Variants in LRGUK observed in about 807,000 individuals in gnomAD.
The protein encoded by LRGUK is leucine-rich repeat and guanylate kinase domain-containing protein.
A neutral mutation model predicts 76.0 loss-of-function variants in LRGUK; 65 were observed. That is an observed-to-expected ratio of 0.85 (90% CI 0.70 to 1.05). The LOEUF (loss-of-function observed/expected upper bound fraction) is 1.05. LRGUK is among the 50% of genes least tolerant of loss of function. The probability of loss-of-function intolerance (pLI) is 0.00; values close to 1 mark genes in which losing one functional copy is unlikely to be tolerated. For missense variants in LRGUK, 758 were observed against 732.8 expected (o/e 1.03, Z -0.40); for synonymous variants, 268 against 265.6 (o/e 1.01, Z -0.09).
intron 1 of LRGUK, among the ~76,000 whole-genome samples, chr7:134,130,419 A>G (rs1300588445): frequency 6.6e-6 from 1 of 152,180 alleles, no homozygotes; most frequent in East Asian, 1.9e-4. Flanking sequence ...TTAACAAACC[A>G]TAGAAGGGGT....
At chr7:134,229,579 T>C (rs1323661825) in intron 16 of LRGUK, among the ~76,000 whole-genome samples, 2 of 152,204 alleles carry the variant, frequency 1.3e-5, no homozygotes, top group East Asian at 3.8e-4. Flanking sequence ...ATATTCCATA[T>C]TATACAAATG....
rs142148474 is a variant in LRGUK at position 134,156,467 on chromosome 7, A to G, written c.671-1568A>G. On this transcript the variant is annotated intron_variant, in intron 5 of 15. Transcript: ENST00000645682. ...ATACTTAAGATATTGATTTAATGTG[A>G]GTGTTAAAAAAATAAGAAAAAAGTG... is the stretch of plus-strand genomic sequence containing the variant. 1.7e-3 allele frequency among the ~76,000 whole-genome samples: 260 copies of G among 152,308 alleles called. 1 individual carries two copies. The highest frequency in any genetic ancestry group is 5.9e-3 in the African/African-American group (247 of 41,574).
chr7:134,241,010 T>C (rs1802136853), intron 16 of LRGUK, among the ~76,000 whole-genome samples: 1 of 152,070 alleles, frequency 6.6e-6, no homozygotes, highest in Admixed American at 6.5e-5. Context: ...TGCTAAGAGA[T>C]TTTGTCACCA....
intron 16 of LRGUK, among the ~76,000 whole-genome samples, chr7:134,243,830 C>T (rs1802224642): frequency 6.6e-6 from 1 of 152,166 alleles, no homozygotes; most frequent in African/African-American, 2.4e-5. Flanking sequence ...ACCAAAACAG[C>T]ATGGTACTGG....
At chr7:134,202,008 C>A (rs1800793170) in intron 15 of LRGUK, among the ~76,000 whole-genome samples, 1 of 152,134 alleles carries the variant, frequency 6.6e-6, no homozygotes, top group Non-Finnish European at 1.5e-5. Context: ...AATACAGTGG[C>A]AAGAGCCCTA....
intron 12 of LRGUK, among the ~76,000 whole-genome samples, chr7:134,193,311 G>A (rs1162603645): frequency 6.6e-6 from 1 of 152,202 alleles, no homozygotes; most frequent in Non-Finnish European, 1.5e-5. Flanking sequence ...TTAGTAAGAA[G>A]CATTCTCTTA....
chr7:134,162,205 C>G (rs922502194), intron 6 of LRGUK, among the ~76,000 whole-genome samples: 5 of 152,156 alleles, frequency 3.3e-5, no homozygotes, highest in African/African-American at 1.2e-4. Context: ...CAATCTGAGC[C>G]AGGCTCAGCT....
chr7:134,239,226 G>A (rs1042851853), intron 16 of LRGUK, among the ~76,000 whole-genome samples: 2 of 152,192 alleles, frequency 1.3e-5, no homozygotes, highest in Non-Finnish European at 2.9e-5. Context: ...CAGACAGTGG[G>A]TGCAGCCCAC....
chr7:134,189,648 A>T (rs1447666347), intron 11 of LRGUK, among the ~76,000 whole-genome samples: 1 of 152,204 alleles, frequency 6.6e-6, no homozygotes, highest in Admixed American at 6.5e-5. Flanking sequence ...GAGAAATGTA[A>T]GTTCAGCATA....
chr7:134,130,804 G>A (rs935960105), intron 1 of LRGUK, among the ~76,000 whole-genome samples: 1 of 152,128 alleles, frequency 6.6e-6, no homozygotes, highest in African/African-American at 2.4e-5. Context: ...CACTGCTGTT[G>A]GAATCAAAGA....
At chr7:134,232,674 T>C (rs746118301) in intron 16 of LRGUK, among the ~76,000 whole-genome samples, 1 of 152,230 alleles carries the variant, frequency 6.6e-6, no homozygotes, top group Non-Finnish European at 1.5e-5. Context: ...TATTTTTTAC[T>C]CTTCAATCTG....
At chr7:134,243,959 C>A (rs1335853736) in intron 16 of LRGUK, among the ~76,000 whole-genome samples, 1 of 152,122 alleles carries the variant, frequency 6.6e-6, no homozygotes, top group African/African-American at 2.4e-5. Context: ...GGAAAGGATT[C>A]CCTATTTAAT....
intron 1 of LRGUK, among the ~76,000 whole-genome samples, chr7:134,132,641 G>A (rs1797363070): frequency 1.3e-5 from 2 of 152,198 alleles, no homozygotes; most frequent in South Asian, 4.1e-4. Context: ...ACTGAAGAAA[G>A]CCTCTGTAGG....
At chr7:134,235,842 G>T (rs1186719799) in intron 16 of LRGUK, among the ~76,000 whole-genome samples, 1 of 152,036 alleles carries the variant, frequency 6.6e-6, no homozygotes, top group South Asian at 2.1e-4. Context: ...TCAAGTCCTA[G>T]GTTATTGAAA....
At chr7:134,150,119 CA>C (rs1166203676) in intron 5 of LRGUK, among the ~76,000 whole-genome samples, 1 of 151,814 alleles carries the variant, frequency 6.6e-6, no homozygotes, top group Non-Finnish European at 1.5e-5. Context: ...ACTAAAAATA[CA>C]AAAAATTAGC....
Position 134,178,513 on chromosome 7 carries a change from TG to T in LRGUK, c.1119del (p.Asn374IlefsTer16). On this transcript the variant is annotated frameshift_variant, in exon 10 of 16. Coordinates refer to ENST00000645682, the Ensembl canonical transcript of LRGUK. LOFTEE classifies it high-confidence loss of function. The stretch of plus-strand genomic sequence containing the variant: ...CTAATTCTGGAAAAGGTTTCAGCAG[TG>T]AATAAATATGATCCTCCCCCTGAAG... The T allele has an allele frequency of 6.2e-7, 1 of 1,610,120 alleles. No individual in the cohort carries two copies. The highest frequency in any genetic ancestry group is 8.5e-7 in the Non-Finnish European group (1 of 1,178,424).
chr7:134,236,502 T>TA (rs1390772756), intron 16 of LRGUK, among the ~76,000 whole-genome samples: 1 of 152,200 alleles, frequency 6.6e-6, no homozygotes, highest in Non-Finnish European at 1.5e-5. Flanking sequence ...GTTGCATGCT[T>TA]ATGGTGCCAT....
intron 15 of LRGUK, among the ~76,000 whole-genome samples, chr7:134,208,323 C>T (rs1801092960): frequency 6.6e-6 from 1 of 152,166 alleles, no homozygotes; most frequent in African/African-American, 2.4e-5. Flanking sequence ...GATGTCCATC[C>T]TCTAGTTTCT....
intron 10 of LRGUK, among the ~76,000 whole-genome samples, chr7:134,181,950 G>A (rs423165): frequency 0.81 from 123,854 of 152,088 alleles, 51,503 homozygotes; most frequent in Non-Finnish European, 0.91. Context: ...ATATAGAGCA[G>A]TTTTATCACA....
Sources: allele counts gnomAD v4.1 joint callset (sites outside exome capture counted in the v4.1 genomes callset), GRCh38; gene constraint gnomAD v4.1.1; transcripts MANE v1.5; gene names NCBI Gene and HGNC (gene_info 2026-07-23, HGNC 2026-07-21).